LVRN: variants seen among roughly 807,000 people sequenced by gnomAD.
LVRN encodes aminopeptidase Q.
In LVRN, 99 loss-of-function variants were observed where a neutral mutation model predicts 111.4. That is an observed-to-expected ratio of 0.89 (90% CI 0.76 to 1.05). The LOEUF (loss-of-function observed/expected upper bound fraction) is 1.05. LVRN is among the 50% of genes least tolerant of loss of function. The probability of loss-of-function intolerance (pLI) is 0.00; values close to 1 mark genes in which losing one functional copy is unlikely to be tolerated. For missense variants in LVRN, 1,414 were observed against 1,206.8 expected (o/e 1.17, Z -2.54); for synonymous variants, 488 against 449.5 (o/e 1.09, Z -1.08).
intron 1 of LVRN, chr5:115,975,007 T>C (rs1029501922): frequency 8.4e-6 from 3 of 358,920 alleles, no homozygotes; most frequent in South Asian, 2.4e-5. Context: ...AAATAAGATC[T>C]AGAAAACTTT....
chr5:115,968,372 C>T (rs1753247057), intron 1 of LVRN, among the ~76,000 whole-genome samples: 1 of 151,050 alleles, frequency 6.6e-6, no homozygotes, highest in South Asian at 2.1e-4. Flanking sequence ...TCTTCTTGAG[C>T]CTGTTAATAT....
At chr5:115,970,371 T>A (rs1239490281) in intron 1 of LVRN, among the ~76,000 whole-genome samples, 2 of 151,068 alleles carry the variant, frequency 1.3e-5, no homozygotes, top group Admixed American at 1.3e-4. Flanking sequence ...GTAGAATTAC[T>A]TTGAAATACA....
rs551961040 is a variant in LVRN, at chr5:115,992,063, A to T, written c.1106-60A>T. ...TTTATGATTTCATTTTGAGATATTT[A>T]AAAAATCCCATTTTTTGGAAAAGAT... On this transcript the variant is annotated intron_variant, in intron 4 of 19. Transcript: ENST00000357872. 38 of 1,498,810 alleles carry T rather than the reference A, an allele frequency of 2.5e-5. No homozygotes were observed. The East Asian group carries it at 6.4e-4, about 25-fold the overall frequency. The allele number at this position is 1,498,810 out of a possible 1,614,324, so 92.8% of individuals were successfully genotyped here.
In LVRN at chr5:115,986,066, G is replaced by T. The variant is rs116544223; in HGVS notation, c.978+1357G>T. On this transcript the variant is annotated intron_variant, in intron 3 of 19. Coordinates refer to ENST00000357872, the MANE Select transcript of LVRN (RefSeq NM_173800.5). ...AACCTAGTGATGAATTAGTAATATT[G>T]TGTTGGCTGAGCGATTCTCAAAGCT... 1.7e-3 allele frequency among the ~76,000 whole-genome samples: 253 copies of T among 152,330 alleles called. 1 individual carries two copies. Among genetic ancestry groups the T allele is most frequent in the African/African-American group, 5.6e-3 (231 of 41,566 alleles).
intron 6 of LVRN, among the ~76,000 whole-genome samples, chr5:115,994,410 C>T (rs1748062011): frequency 6.7e-6 from 1 of 148,964 alleles, no homozygotes; most frequent in Non-Finnish European, 1.5e-5. Context: ...ATAGCTGGGA[C>T]TACAGGCATG....
intron 13 of LVRN, among the ~76,000 whole-genome samples, chr5:116,006,826 C>A (rs1182015322): frequency 2.6e-5 from 4 of 152,184 alleles, no homozygotes. Context: ...ACTTATCTTT[C>A]CCCCTGTCTT....
intron 1 of LVRN, among the ~76,000 whole-genome samples, chr5:115,971,511 A>C (rs760509576): frequency 6.6e-6 from 1 of 152,086 alleles, no homozygotes; most frequent in African/African-American, 2.4e-5. Context: ...TGAGGTATGG[A>C]TTAAAGAGTT....
intron 1 of LVRN, chr5:115,974,665 C>A (rs1161500239): frequency 1.3e-5 from 2 of 158,698 alleles, no homozygotes; most frequent in African/African-American, 4.8e-5. Context: ...ACCCTCAAAT[C>A]ATTTCTAGTC....
At chr5:116,008,798 A>G (rs542400049) in intron 13 of LVRN, among the ~76,000 whole-genome samples, 11 of 152,348 alleles carry the variant, frequency 7.2e-5, no homozygotes, top group African/African-American at 2.2e-4. Flanking sequence ...TAAAGCTAGC[A>G]GAGGTTAGTT....
chr5:115,964,000 C>T (rs571517221), intron 1 of LVRN, among the ~76,000 whole-genome samples: 1 of 152,162 alleles, frequency 6.6e-6, no homozygotes, highest in Non-Finnish European at 1.5e-5. Flanking sequence ...GTAACCTGGG[C>T]GCTTGTTAGA....
intron 1 of LVRN, among the ~76,000 whole-genome samples, chr5:115,972,698 A>T (rs1010866440): frequency 4.6e-5 from 7 of 152,072 alleles, no homozygotes; most frequent in African/African-American, 1.7e-4. Context: ...TCAGTCTTCC[A>T]TCATTAATTA....
intron 13 of LVRN, among the ~76,000 whole-genome samples, chr5:116,009,353 A>T (rs1216747155): frequency 6.6e-6 from 1 of 152,198 alleles, no homozygotes; most frequent in African/African-American, 2.4e-5. Flanking sequence ...AAGGAGATTA[A>T]TGTTGTTTTC....
intron 1 of LVRN, among the ~76,000 whole-genome samples, chr5:115,963,921 G>A (rs1158069685): frequency 6.6e-6 from 1 of 152,108 alleles, no homozygotes; most frequent in Non-Finnish European, 1.5e-5. Context: ...CTCTCTAGCC[G>A]GAAATTTCTT....
intron 3 of LVRN, 50 bp from the exon 4 acceptor site, chr5:115,987,763 C>T: frequency 6.3e-7 from 1 of 1,577,310 alleles, no homozygotes; most frequent in Non-Finnish European, 8.6e-7. Flanking sequence ...CTACCTCTTT[C>T]CAAAATCACT....
chr5:115,984,821 T>A, intron 3 of LVRN, 112 bp downstream of exon 3: 1 of 1,418,014 alleles, frequency 7.1e-7, no homozygotes, highest in African/African-American at 1.4e-5. Context: ...GCTTCCTAGT[T>A]CTCTCTCCCA....
At chr5:115,969,119 C>G (rs10075275) in intron 1 of LVRN, among the ~76,000 whole-genome samples, 21 of 152,276 alleles carry the variant, frequency 1.4e-4, no homozygotes, top group African/African-American at 4.8e-4. Context: ...CTCAATATAG[C>G]CTTTGTGTAC....
chr5:115,977,938 G>A (rs1294571182), intron 1 of LVRN, among the ~76,000 whole-genome samples: 2 of 152,194 alleles, frequency 1.3e-5, no homozygotes, highest in African/African-American at 4.8e-5. Flanking sequence ...TTAAAGAAAT[G>A]AAAATAGAAA....
At chr5:116,019,741 G>A (rs1197100580) in intron 18 of LVRN, among the ~76,000 whole-genome samples, 1 of 152,178 alleles carries the variant, frequency 6.6e-6, no homozygotes, top group Non-Finnish European at 1.5e-5. Context: ...CCATAAGGTG[G>A]TATCTTGCTG....
intron 6 of LVRN, among the ~76,000 whole-genome samples, chr5:115,998,644 TC>T (rs1748170585): frequency 6.6e-6 from 1 of 152,146 alleles, no homozygotes; most frequent in Non-Finnish European, 1.5e-5. Flanking sequence ...TGCAGATGAC[TC>T]CTCCAAATCC....
Sources: gnomAD v4.1 joint callset for allele counts (sites outside exome capture counted in the v4.1 genomes callset) on GRCh38, gnomAD v4.1.1 for gene constraint, MANE v1.5 for transcripts, NCBI Gene and HGNC (gene_info 2026-07-23, HGNC 2026-07-21) for gene names.